Variants in KIF26B observed in about 807,000 individuals in gnomAD.
The protein encoded by KIF26B is kinesin family member 26B.
KIF26B carries 63 observed loss-of-function variants against 151.2 expected under a neutral mutation model. That is an observed-to-expected ratio of 0.42 (90% confidence interval 0.34 to 0.51). The LOEUF (loss-of-function observed/expected upper bound fraction) is 0.51, where lower values mean the gene tolerates loss of function less well. Ranked by LOEUF, KIF26B falls within the 20% of genes least tolerant of loss-of-function variation. KIF26B has a pLI of 0.07. For synonymous variants in KIF26B, 1,357 were observed against 1,262.1 expected (o/e 1.08, Z -1.59); for missense variants, 2,813 against 2,913.6 (o/e 0.97, Z 0.79).
chr1:245,664,663 A>G lies in KIF26B; in HGVS notation c.2258+18383A>G, dbSNP rs1043403046. Among the ~76,000 whole-genome samples the G allele has an allele frequency of 2.6e-5, 4 of 152,246 alleles. No individual in the cohort carries two copies. In the East Asian group the frequency reaches 7.7e-4, roughly 29 times the overall value. Reference sequence around the variant, plus strand: ...ACATGAAATGCTTTCTTAATAAAAGAAAATACATCAAAGTAGAAAAAGGTT... The same window carrying G: ...ACATGAAATGCTTTCTTAATAAAAGGAAATACATCAAAGTAGAAAAAGGTT... On this transcript the variant is annotated intron_variant, in intron 10 of 14. Transcript: ENST00000407071.
At chr1:245,374,059 CAAAAAAA>C (rs1172397969) in intron 3 of KIF26B, among the ~76,000 whole-genome samples, 17 of 17,472 alleles carry the variant, frequency 9.7e-4, no homozygotes, top group East Asian at 2.5e-3. Flanking sequence ...GAACCTATCT[CAAAAAAA>C]AAAAAAAAAA....
At chr1:245,570,749 C>A (rs148678218) in intron 5 of KIF26B, among the ~76,000 whole-genome samples, 1 of 152,316 alleles carries the variant, frequency 6.6e-6, no homozygotes, top group African/African-American at 2.4e-5. Flanking sequence ...TGTGAGTCCA[C>A]GAGCCCTTCA....
intron 4 of KIF26B, among the ~76,000 whole-genome samples, chr1:245,469,681 A>T (rs1659868498): frequency 6.6e-6 from 1 of 152,152 alleles, no homozygotes; most frequent in Non-Finnish European, 1.5e-5. Flanking sequence ...AAACCTTTTA[A>T]AAACTGCCAC....
chr1:245,276,046 A>G (rs569619066), intron 2 of KIF26B, among the ~76,000 whole-genome samples: 1 of 152,248 alleles, frequency 6.6e-6, no homozygotes, highest in Non-Finnish European at 1.5e-5. Context: ...TTGTTGCTTT[A>G]AAAATTCTCC....
intron 4 of KIF26B, among the ~76,000 whole-genome samples, chr1:245,518,564 C>T (rs1415514250): frequency 2.0e-5 from 3 of 152,100 alleles, no homozygotes; most frequent in Non-Finnish European, 4.4e-5. Flanking sequence ...GATTTTATAC[C>T]GTGTTTTAGG....
intron 2 of KIF26B, among the ~76,000 whole-genome samples, chr1:245,234,167 G>A (rs1670056425): frequency 6.6e-6 from 1 of 151,252 alleles, no homozygotes; most frequent in South Asian, 2.1e-4. Context: ...CTGGCCTTTA[G>A]AACGAGACTC....
In KIF26B at chr1:245,514,059, C is replaced by T. The variant is rs148573332; in HGVS notation, c.1167-26708C>T. Among the ~76,000 whole-genome samples the T allele has an allele frequency of 3.2e-3, 483 of 152,194 alleles. 3 individuals are homozygous for T. Among genetic ancestry groups the T allele is most frequent in the African/African-American group, 0.01 (434 of 41,524 alleles). On this transcript the variant is annotated intron_variant, in intron 4 of 14. Transcript: ENST00000407071. ...AAATATCGTTAATAACAATGCATCG[C>T]GTCCTTGAAAATTGCTGCTAAGAGA...
intron 2 of KIF26B, among the ~76,000 whole-genome samples, chr1:245,312,904 G>A (rs546481471): frequency 6.6e-6 from 1 of 152,174 alleles, no homozygotes; most frequent in South Asian, 2.1e-4. Flanking sequence ...GCTCAGGACT[G>A]TAATCCCAGC....
chr1:245,640,066 T>A (rs2103179892), intron 9 of KIF26B, among the ~76,000 whole-genome samples: 1 of 149,010 alleles, frequency 6.7e-6, no homozygotes, highest in East Asian at 2.0e-4. Context: ...GGTGTTGAAG[T>A]CCCTTACTGT....
chr1:245,339,393 AGCTTTCACTAGT>A (rs1321089421), intron 2 of KIF26B, among the ~76,000 whole-genome samples: 1 of 152,182 alleles, frequency 6.6e-6, no homozygotes, highest in Non-Finnish European at 1.5e-5. Flanking sequence ...CATTAGTGTG[AGCTTTCACTAGT>A]GCTCACTTTG....
intron 2 of KIF26B, among the ~76,000 whole-genome samples, chr1:245,308,813 G>A (rs918494327): frequency 6.6e-6 from 1 of 152,172 alleles, no homozygotes; most frequent in Non-Finnish European, 1.5e-5. Context: ...AAGGGAAGAT[G>A]AGGATCAGAG....
intron 2 of KIF26B, among the ~76,000 whole-genome samples, chr1:245,325,973 G>A (rs1671982962): frequency 6.6e-6 from 1 of 152,154 alleles, no homozygotes; most frequent in South Asian, 2.1e-4. Flanking sequence ...ATACGAGGGA[G>A]ACAATGGGGA....
chr1:245,416,210 G>A (rs922366284), intron 3 of KIF26B, among the ~76,000 whole-genome samples: 2 of 147,630 alleles, frequency 1.4e-5, no homozygotes, highest in Non-Finnish European at 3.0e-5. Flanking sequence ...AACCCGGAAG[G>A]CGGAGGTTGC....
intron 2 of KIF26B, among the ~76,000 whole-genome samples, chr1:245,283,666 A>G (rs1392028670): frequency 1.3e-5 from 2 of 149,320 alleles, no homozygotes; most frequent in East Asian, 3.9e-4. Context: ...AAGAACATCC[A>G]TTTACCCTCC....
intron 2 of KIF26B, among the ~76,000 whole-genome samples, chr1:245,269,806 G>A (rs66504240): frequency 0.013 from 1,978 of 151,720 alleles, 40 homozygotes; most frequent in African/African-American, 0.045. Context: ...ATAATATTCC[G>A]TTGTCTGTAT....
chr1:245,521,340 T>TA (rs5782356), intron 4 of KIF26B, among the ~76,000 whole-genome samples: 2,869 of 136,192 alleles, frequency 0.021, 87 homozygotes, highest in African/African-American at 0.072. Context: ...GACTCCGTCT[T>TA]AAAAAAAAAA....
At chr1:245,605,516 T>A (rs2103148630) in intron 6 of KIF26B, among the ~76,000 whole-genome samples, 1 of 152,324 alleles carries the variant, frequency 6.6e-6, no homozygotes, top group Non-Finnish European at 1.5e-5. Context: ...GTTTCATGGT[T>A]GCCTTTGAGA....
intron 2 of KIF26B, among the ~76,000 whole-genome samples, chr1:245,272,778 A>T: frequency 6.6e-6 from 1 of 151,482 alleles, no homozygotes; most frequent in Non-Finnish European, 1.5e-5. Context: ...GTTTTCTTTG[A>T]CTCAGTGGTT....
intron 2 of KIF26B, among the ~76,000 whole-genome samples, chr1:245,310,502 G>A (rs1297941351): frequency 6.6e-6 from 1 of 152,200 alleles, no homozygotes; most frequent in Non-Finnish European, 1.5e-5. Flanking sequence ...CAGAGCTTAG[G>A]AAACTCGTTC....
Sources: allele counts gnomAD v4.1 joint callset (sites outside exome capture counted in the v4.1 genomes callset), GRCh38; gene constraint gnomAD v4.1.1; transcripts MANE v1.5; gene names NCBI Gene and HGNC (gene_info 2026-07-23, HGNC 2026-07-21).